The following QSER1 variants were observed in gnomAD, a reference collection of about 807,000 sequenced individuals.
QSER1 encodes the protein glutamine and serine-rich protein 1.
Under a neutral mutation model 158.5 loss-of-function variants are expected in QSER1, and 49 were observed. The observed-to-expected ratio is 0.31, with a 90% confidence interval of 0.25 to 0.39. The LOEUF (loss-of-function observed/expected upper bound fraction) is 0.39, where lower values mean the gene tolerates loss of function less well. Ranked by LOEUF, QSER1 falls within the 10% of genes least tolerant of loss-of-function variation. The pLI, the probability that QSER1 is intolerant of heterozygous loss-of-function variation, is 1.00. For synonymous variants in QSER1, 650 were observed against 715.5 expected, an observed-to-expected ratio of 0.91 and a Z score of 1.46; for missense variants, 1,754 against 2,010.3, an observed-to-expected ratio of 0.87 and a Z score of 2.44.
intron 4 of QSER1, among the ~76,000 whole-genome samples, chr11:32,949,064 A>G (rs1264944415): frequency 1.3e-5 from 2 of 152,176 alleles, no homozygotes; most frequent in African/African-American, 4.8e-5. Context: ...TATTGTTACT[A>G]CATATTTAAT....
chr11:32,949,211 A>G (rs1852384403), intron 4 of QSER1, among the ~76,000 whole-genome samples: 1 of 152,124 alleles, frequency 6.6e-6, no homozygotes, highest in South Asian at 2.1e-4. Flanking sequence ...AAATACTAAA[A>G]TACCTTTAGT....
chr11:32,902,576 C>T (rs950847065), intron 1 of QSER1, among the ~76,000 whole-genome samples: 1 of 152,158 alleles, frequency 6.6e-6, no homozygotes, highest in African/African-American at 2.4e-5. Flanking sequence ...TCCTTTGTTC[C>T]AACGCTTCTG....
chr11:32,923,727 T>A (rs1213927228), intron 1 of QSER1, among the ~76,000 whole-genome samples: 1 of 151,470 alleles, frequency 6.6e-6, no homozygotes, highest in African/African-American at 2.4e-5. Context: ...CCCAGCACTT[T>A]GGGAGGCCAA....
Position 32,932,440 on chromosome 11 carries a change from A to C in QSER1, c.1182A>C (p.Ser394=). The change falls in exon 4 of 13, where the codon TCA becomes TCC. Residue 394 remains serine, a synonymous_variant. Transcript: ENST00000650167. Reference sequence around the variant, plus strand: ...CAGTGGAACTTGCTCAGTCTTACTCATCTGCGATTCCATCATCAGGGTATC... The same window carrying C: ...CAGTGGAACTTGCTCAGTCTTACTCCTCTGCGATTCCATCATCAGGGTATC... ...QVSVELAQSY[S]SAIPSSGYPP... is the part of the protein sequence containing the mutation. The C allele has an allele frequency of 6.2e-7, 1 of 1,613,382 alleles. No individual in the cohort carries two copies. The highest frequency in any genetic ancestry group is 8.5e-7 in the Non-Finnish European group (1 of 1,179,980).
At position 32,931,749 on chromosome 11, in the gene QSER1, A is replaced by G; in HGVS notation, c.491A>G (p.His164Arg). The change falls in exon 4 of 13, where the codon CAT becomes CGT. Residue 164 changes from histidine to arginine, a missense_variant. Transcript: ENST00000650167. ...FRAPSWQTGM[H>R]SSAATELFAT... ...TTGTGCCTTTTCTTCATAGGCATGC[A>G]TTCCTCAGCAGCAACTGAGCTGTTT... 1 of 1,585,870 alleles carries G rather than the reference A, an allele frequency of 6.3e-7. No homozygotes were observed. The highest frequency in any genetic ancestry group is 8.6e-7 in the Non-Finnish European group (1 of 1,168,670).
chr11:32,926,411 T>C (rs933307854), intron 1 of QSER1, among the ~76,000 whole-genome samples: 31 of 152,176 alleles, frequency 2.0e-4, no homozygotes, highest in African/African-American at 6.8e-4. Context: ...TGATGATATC[T>C]CCAAGTTATT....
intron 1 of QSER1, among the ~76,000 whole-genome samples, chr11:32,916,405 G>A (rs1006346126): frequency 1.3e-5 from 2 of 152,118 alleles, no homozygotes; most frequent in African/African-American, 2.4e-5. Flanking sequence ...CCTAGCAAAT[G>A]CAGTAATCTG....
At chr11:32,914,539 C>T (rs536354140) in intron 1 of QSER1, among the ~76,000 whole-genome samples, 1 of 152,170 alleles carries the variant, frequency 6.6e-6, no homozygotes, top group Non-Finnish European at 1.5e-5. Flanking sequence ...TAACTTATTA[C>T]TTGTGTGCAA....
At chr11:32,969,357 C>A (rs1485071110) in intron 10 of QSER1, among the ~76,000 whole-genome samples, 1 of 152,060 alleles carries the variant, frequency 6.6e-6, no homozygotes, top group Non-Finnish European at 1.5e-5. Context: ...TTATAGTTAT[C>A]TATTATATCT....
chr11:32,960,460 G>A (rs1852603339), intron 8 of QSER1, among the ~76,000 whole-genome samples: 1 of 152,136 alleles, frequency 6.6e-6, no homozygotes, highest in Non-Finnish European at 1.5e-5. Flanking sequence ...TCAGGAGGCT[G>A]AGGCAGGAGA....
intron 1 of QSER1, among the ~76,000 whole-genome samples, chr11:32,926,554 A>C (rs888164542): frequency 6.6e-6 from 1 of 152,178 alleles, no homozygotes; most frequent in African/African-American, 2.4e-5. Context: ...ATTTCTTTCT[A>C]TGGGTTTAAA....
intron 1 of QSER1, among the ~76,000 whole-genome samples, chr11:32,911,839 A>G (rs968459629): frequency 1.3e-5 from 2 of 152,212 alleles, no homozygotes; most frequent in African/African-American, 4.8e-5. Flanking sequence ...TAGCAGTGTG[A>G]AAATGGACTA....
chr11:32,975,263 C>T lies in QSER1; in HGVS notation c.5374C>T (p.Pro1792Ser), dbSNP rs769786532. 7.7e-6 allele frequency: 12 copies of T among 1,562,212 alleles called. No homozygotes were observed. Among genetic ancestry groups the T allele is most frequent in the South Asian group, 1.2e-5 (1 of 82,874 alleles). ...TKSAQEFAVDPEKIQLYSLYH... is the reference protein window; with the variant it reads ...TKSAQEFAVDSEKIQLYSLYH... Reference sequence around the variant, plus strand: ...CTTTTTATAGGAGTTTGCTGTCGATCCAGAGAAAATACAGTTGTATTCTTT... The same window carrying T: ...CTTTTTATAGGAGTTTGCTGTCGATTCAGAGAAAATACAGTTGTATTCTTT... Residue 1792 changes from proline (P) to serine (S), a missense_variant, in exon 12 of 13, where the codon CCA (proline) becomes TCA (serine). Coordinates refer to ENST00000650167, the MANE Select transcript of QSER1 (RefSeq NM_001076786.3).
rs1852302608 is a variant in QSER1, at chr11:32,944,852, T to C, written c.4178-9005T>C. Among the ~76,000 whole-genome samples, 6 of 143,224 alleles carry C rather than the reference T, an allele frequency of 4.2e-5. No homozygotes were observed. In the South Asian group the frequency reaches 1.4e-3, roughly 34 times the overall value. 94.0% of individuals were successfully genotyped at this position (143,224 alleles called of 152,430 possible). On this transcript the variant is annotated intron_variant, in intron 4 of 12. Transcript: ENST00000650167. ...ACAGTGGGGTGTTAAATTCTCCCAT[T>C]ATTAATGTGTGGGAGTCTAAGTCTC...
chr11:32,915,975 T>C (rs929042027), intron 1 of QSER1, among the ~76,000 whole-genome samples: 1 of 151,700 alleles, frequency 6.6e-6, no homozygotes, highest in East Asian at 1.9e-4. Flanking sequence ...TGGAGTGCAA[T>C]GGTGTGATCT....
At chr11:32,963,641 G>A (rs1042876344) in intron 8 of QSER1, among the ~76,000 whole-genome samples, 1 of 150,346 alleles carries the variant, frequency 6.7e-6, no homozygotes, top group Non-Finnish European at 1.5e-5. Context: ...ATGAGCCACC[G>A]CATCCAGCCT....
intron 1 of QSER1, among the ~76,000 whole-genome samples, chr11:32,906,266 T>A (rs1228916814): frequency 6.6e-6 from 1 of 151,610 alleles, no homozygotes. Flanking sequence ...TTACTGAAAA[T>A]ACAAAATTAG....
chr11:32,971,769 G>A (rs959395695), intron 10 of QSER1, among the ~76,000 whole-genome samples: 3 of 151,996 alleles, frequency 2.0e-5, no homozygotes, highest in African/African-American at 4.8e-5. Flanking sequence ...TTTTTAAAAA[G>A]GTACCGTTTT....
rs575654509 is a variant in QSER1 at position 32,965,604 on chromosome 11, A to C, written c.4970-696A>C. On this transcript the variant is annotated intron_variant, in intron 8 of 12. Transcript: ENST00000650167. ...TGTCTGTGGTGGGATCCAGCAGAAG[A>C]CAAATAGTTTCTTACCCAGTCTACT... Among the ~76,000 whole-genome samples the C allele has an allele frequency of 2.6e-5, 4 of 152,208 alleles. No homozygotes were observed. In the East Asian group the frequency reaches 7.7e-4, roughly 29 times the overall value.
Sources: allele counts gnomAD v4.1 joint callset (sites outside exome capture counted in the v4.1 genomes callset), GRCh38; gene constraint gnomAD v4.1.1; transcripts MANE v1.5; gene names NCBI Gene and HGNC (gene_info 2026-07-23, HGNC 2026-07-21).